STMN1: variants seen among roughly 807,000 people sequenced by gnomAD.
The protein encoded by STMN1 is stathmin 1, also known as stathmin.
In STMN1, 3 loss-of-function variants were observed where a neutral mutation model predicts 19.7. That is an observed-to-expected ratio of 0.15 (90% confidence interval 0.07 to 0.39). The LOEUF (loss-of-function observed/expected upper bound fraction) is 0.39. Ranked by LOEUF, STMN1 falls within the 10% of genes least tolerant of loss-of-function variation. The pLI, the probability that STMN1 is intolerant of heterozygous loss-of-function variation, is 1.00. For missense variants in STMN1, 99 were observed against 176.0 expected, an observed-to-expected ratio of 0.56 and a Z score of 2.48; for synonymous variants, 59 against 58.9, an observed-to-expected ratio of 1.00 and a Z score of -0.01.
chr1:25,899,643 A>C (rs2048850126), downstream of STMN1, among the ~76,000 whole-genome samples: 1 of 152,246 alleles, frequency 6.6e-6, no homozygotes, highest in Admixed American at 6.5e-5. Context: ...GGTTGAAAAC[A>C]GTAATCGTGA....
chr1:25,903,787 G>A lies in STMN1; in HGVS notation c.40C>T (p.Arg14Cys), dbSNP rs2048903541. ...SDIQVKELEK[R>C]ASGQAFELIL... ...AGCTCAAAAGCCTGGCCTGAGGCAC[G>A]CTTCTCCAGTTCTTTCACCTGGATA... Residue 14 changes from arginine (R) to cysteine (C), a missense_variant, in exon 3 of 5, where the codon CGT (arginine) becomes TGT (cysteine). By Grantham distance (180) the Arg-to-Cys change is radical (BLOSUM62 -3). Transcript: ENST00000455785. 4 of 1,610,028 alleles carry A rather than the reference G, an allele frequency of 2.5e-6. No homozygotes were observed. Among genetic ancestry groups the A allele is most frequent in the Admixed American group, 1.7e-5 (1 of 58,754 alleles).
At chr1:25,904,821 T>G (rs2124258254) in intron 1 of STMN1, 83 bp from the exon 2 acceptor site, 1 of 928,602 alleles carries the variant, frequency 1.1e-6, no homozygotes, top group East Asian at 2.9e-5. Flanking sequence ...ACATCACATC[T>G]ACATACATCG....
downstream of STMN1, among the ~76,000 whole-genome samples, chr1:25,895,586 G>A (rs1435243779): frequency 6.6e-6 from 1 of 152,200 alleles, no homozygotes; most frequent in Non-Finnish European, 1.5e-5. Flanking sequence ...GCCTCAAGGG[G>A]GCAGCAACTG....
chr1:25,905,968 G>A (rs1165579489), intron 1 of STMN1: 2 of 152,244 alleles, frequency 1.3e-5, no homozygotes, highest in African/African-American at 2.4e-5. Flanking sequence ...GTCGCAGGGA[G>A]GGTCGCGGCC....
chr1:25,901,472 T>A lies in STMN1; in HGVS notation c.378+19A>T, dbSNP rs1261181524. The A allele has an allele frequency of 1.3e-6, 2 of 1,592,876 alleles. No individual in the cohort carries two copies. Among genetic ancestry groups the A allele is most frequent in the East Asian group, 4.5e-5 (2 of 44,512 alleles). ...CATCAAACTCCAAGCTCAACCCTTT[T>A]ACAAAGTAAGAAACCAACCTTCTCT... On this transcript the variant is annotated intron_variant, in intron 4 of 4. Transcript: ENST00000455785.
At chr1:25,894,274 C>A (rs547634572) in intron 4 of STMN1, among the ~76,000 whole-genome samples, 1 of 152,116 alleles carries the variant, frequency 6.6e-6, no homozygotes, top group Admixed American at 6.6e-5. Flanking sequence ...ATGGGTGCAG[C>A]TGCAGGCCCA....
Position 25,900,875 on chromosome 1 carries a change from G to GTCTGGA in STMN1, c.*135_*140dup. The GTCTGGA allele has an allele frequency of 6.9e-7, 1 of 1,456,626 alleles. No homozygotes were observed. The highest frequency in any genetic ancestry group is 9.1e-7 in the Non-Finnish European group (1 of 1,104,438). The allele number at this position is 1,456,626 out of a possible 1,614,324, so 90.2% of individuals were successfully genotyped here. On this transcript the variant is annotated 3_prime_UTR_variant, in exon 5 of 5. Transcript: ENST00000455785. ...TTAGCCCCTAAAACAACATCTTACAGTCTGGATCTGGATCTACCTATACAG... is the reference window on the plus strand; with the variant it reads ...TTAGCCCCTAAAACAACATCTTACAGTCTGGATCTGGATCTGGATCTACCTATACAG...
At chr1:25,900,094 C>T (rs551893287), downstream of STMN1, 29 of 985,698 alleles carry the variant, frequency 2.9e-5, no homozygotes, top group South Asian at 1.2e-3. Context: ...AATTAAGGTT[C>T]CCTTTAGTCA....
intron 4 of STMN1, chr1:25,892,380 C>CTTT (rs35541438): frequency 2.5e-4 from 44 of 173,606 alleles, no homozygotes; most frequent in East Asian, 9.7e-4. Flanking sequence ...CAGAGCAAGA[C>CTTT]TTTTTTTTTT....
chr1:25,904,366 A>C (rs1057421071), intron 2 of STMN1, among the ~76,000 whole-genome samples: 2 of 152,176 alleles, frequency 1.3e-5, no homozygotes, highest in African/African-American at 4.8e-5. Flanking sequence ...ACAAAGCTCA[A>C]CATTTTTGGA....
chr1:25,886,851 G>C (rs144491015), intron 4 of STMN1, among the ~76,000 whole-genome samples: 1,568 of 152,120 alleles, frequency 0.01, 25 homozygotes, highest in African/African-American at 0.036. Flanking sequence ...CTCCCAAAGT[G>C]CTGGGATTAC....
At chr1:25,892,414 C>G in intron 4 of STMN1, 3 of 212,206 alleles carry the variant, frequency 1.4e-5, no homozygotes, top group Non-Finnish European at 1.6e-5. Context: ...AATAAAATCT[C>G]TGCCCTGCCT....
chr1:25,897,731 C>T (rs2048831849), downstream of STMN1, among the ~76,000 whole-genome samples: 1 of 152,138 alleles, frequency 6.6e-6, no homozygotes, highest in Non-Finnish European at 1.5e-5. Context: ...GGGCTTAGAG[C>T]AGATCTGCCT....
Position 25,904,742 on chromosome 1 carries a change from A to T in STMN1, c.-62-4T>A. ...ATCAACTGGGATAAGGAAAGTCCTG[A>T]AAATGATTTTCAAAAACATGCAATC... is the stretch of plus-strand genomic sequence containing the variant. On this transcript the variant is annotated splice_region_variant and splice_polypyrimidine_tract_variant and intron_variant, in intron 1 of 4. Coordinates refer to ENST00000455785, the MANE Select transcript of STMN1 (RefSeq NM_005563.4). 1 of 1,592,522 alleles carries T rather than the reference A, an allele frequency of 6.3e-7. No individual in the cohort carries two copies. The highest frequency in any genetic ancestry group is 1.2e-5 in the South Asian group (1 of 86,392).
At chr1:25,902,470 C>A (rs1369737286) in intron 3 of STMN1, 1 of 152,192 alleles carries the variant, frequency 6.6e-6, no homozygotes, top group African/African-American at 2.4e-5. Flanking sequence ...GGCTTATTAG[C>A]TTTTGTCTCA....
intron 4 of STMN1, chr1:25,888,867 G>T: frequency 3.7e-6 from 1 of 269,932 alleles, no homozygotes; most frequent in South Asian, 4.0e-5. Context: ...AAGGGCAAAA[G>T]GTACAAGGAG....
chr1:25,885,991 C>G (rs778406106), intron 4 of STMN1: 216 of 1,313,216 alleles, frequency 1.6e-4, no homozygotes, highest in Non-Finnish European at 2.0e-4. Context: ...ATGGAATCAT[C>G]CAGGGATCTT....
chr1:25,904,223 G>A (rs1408557680), intron 2 of STMN1, among the ~76,000 whole-genome samples: 1 of 152,080 alleles, frequency 6.6e-6, no homozygotes, highest in Non-Finnish European at 1.5e-5. Flanking sequence ...AGGCTGAGGT[G>A]GGAGAATCGC....
downstream of STMN1, among the ~76,000 whole-genome samples, chr1:25,897,422 T>C (rs962095926): frequency 9.9e-5 from 15 of 152,106 alleles, no homozygotes. Context: ...GTAGCCAAAC[T>C]GTCATCTGGG....
Sources: allele counts gnomAD v4.1 joint callset (sites outside exome capture counted in the v4.1 genomes callset), GRCh38; gene constraint gnomAD v4.1.1; transcripts MANE v1.5; gene names NCBI Gene and HGNC (gene_info 2026-07-23, HGNC 2026-07-21).